The following OBI1 variants were observed in gnomAD, a reference collection of about 807,000 sequenced individuals.
The protein encoded by OBI1 is ring finger protein 219.
A neutral mutation model predicts 62.4 loss-of-function variants in OBI1; 59 were observed. The observed-to-expected ratio is 0.95, with a 90% confidence interval of 0.77 to 1.17. The LOEUF (loss-of-function observed/expected upper bound fraction) is 1.17, where lower values mean the gene tolerates loss of function less well. OBI1 is among the 50% of genes most tolerant of loss of function. The probability of loss-of-function intolerance (pLI) is 0.00; values close to 1 mark genes in which losing one functional copy is unlikely to be tolerated. For missense variants in OBI1, 875 were observed against 830.9 expected, an observed-to-expected ratio of 1.05 and a Z score of -0.65; for synonymous variants, 302 against 292.8, an observed-to-expected ratio of 1.03 and a Z score of -0.32.
intron 1 of OBI1, among the ~76,000 whole-genome samples, chr13:78,645,993 G>A (rs554899653): frequency 1.2e-4 from 19 of 152,200 alleles, no homozygotes; most frequent in East Asian, 9.7e-4. Flanking sequence ...ATCTTTCACC[G>A]CCCCAACCCT....
intron 1 of OBI1, among the ~76,000 whole-genome samples, chr13:78,658,245 T>G (rs1876767482): frequency 6.7e-6 from 1 of 148,634 alleles, no homozygotes; most frequent in Non-Finnish European, 1.5e-5. Flanking sequence ...ATCTTTCCCC[T>G]TCTTTATCTA....
At chr13:78,639,979 A>T (rs1157228016) in intron 3 of OBI1, among the ~76,000 whole-genome samples, 17 of 151,944 alleles carry the variant, frequency 1.1e-4, no homozygotes, top group Admixed American at 1.1e-3. Context: ...GTACCCTAAA[A>T]CTTAAAGTAT....
At position 78,644,998 on chromosome 13, in the gene OBI1, C is replaced by T; in HGVS notation, c.73-1G>A. On this transcript the variant is annotated splice_acceptor_variant, in intron 1 of 5. Coordinates refer to ENST00000282003, the MANE Select transcript of OBI1 (RefSeq NM_024546.4). LOFTEE classifies it high-confidence loss of function. ...TGATGCATATGACAGGCTGACGTAC[C>T]TTTGAAAAAAGAAATCACTTTTAGT... 6.2e-7 allele frequency: 1 copy of T among 1,605,184 alleles called. No homozygotes were observed. The highest frequency in any genetic ancestry group is 8.5e-7 in the Non-Finnish European group (1 of 1,177,308).
chr13:78,635,910 G>A (rs1876015367), intron 4 of OBI1, among the ~76,000 whole-genome samples: 1 of 152,082 alleles, frequency 6.6e-6, no homozygotes, highest in Non-Finnish European at 1.5e-5. Flanking sequence ...CTACAGGCAT[G>A]TGCCACCATG....
At chr13:78,635,045 T>G in intron 5 of OBI1, 65 bp downstream of exon 5, 1 of 944,210 alleles carries the variant, frequency 1.1e-6, no homozygotes, top group South Asian at 1.6e-5. Flanking sequence ...AAACAAACCC[T>G]CACAGCAGCC....
At chr13:78,620,553 A>C in intron 5 of OBI1, 1 of 453,940 alleles carries the variant, frequency 2.2e-6, no homozygotes, top group Non-Finnish European at 4.4e-6. Flanking sequence ...ATTCTGCCAG[A>C]ATCTAACAGA....
At chr13:78,629,774 A>G (rs756158784) in intron 5 of OBI1, among the ~76,000 whole-genome samples, 3 of 152,162 alleles carry the variant, frequency 2.0e-5, no homozygotes, top group Non-Finnish European at 4.4e-5. Flanking sequence ...TCCCCACTAA[A>G]TATTCAGACT....
At chr13:78,633,090 A>G (rs1875902515) in intron 5 of OBI1, among the ~76,000 whole-genome samples, 1 of 152,192 alleles carries the variant, frequency 6.6e-6, no homozygotes, top group South Asian at 2.1e-4. Flanking sequence ...AGCTACAAAC[A>G]AAATAGCTTT....
intron 1 of OBI1, among the ~76,000 whole-genome samples, chr13:78,652,689 G>A (rs1354659396): frequency 2.0e-5 from 3 of 152,120 alleles, no homozygotes; most frequent in Non-Finnish European, 4.4e-5. Context: ...CTCTCCTAAG[G>A]AGCACACAAT....
At chr13:78,647,124 C>T (rs1304114853) in intron 1 of OBI1, among the ~76,000 whole-genome samples, 9 of 152,336 alleles carry the variant, frequency 5.9e-5, no homozygotes, top group African/African-American at 1.9e-4. Context: ...ACAGGAAAGC[C>T]GGGTATTGTC....
chr13:78,643,913 T>C (rs757956974), intron 2 of OBI1, among the ~76,000 whole-genome samples: 1 of 152,234 alleles, frequency 6.6e-6, no homozygotes, highest in Non-Finnish European at 1.5e-5. Flanking sequence ...ATTTTTCCTA[T>C]AGCAAAAACA....
intron 4 of OBI1, among the ~76,000 whole-genome samples, chr13:78,635,997 A>G (rs915235728): frequency 6.6e-5 from 10 of 152,270 alleles, no homozygotes; most frequent in South Asian, 6.2e-4. Flanking sequence ...TTTTGGCCTC[A>G]AGTGATCCAC....
chr13:78,617,079 G>C lies in OBI1; in HGVS notation c.682C>G (p.Gln228Glu). 1 of 1,596,244 alleles carries C rather than the reference G, an allele frequency of 6.3e-7. No individual in the cohort carries two copies. The highest frequency in any genetic ancestry group is 8.5e-7 in the Non-Finnish European group (1 of 1,172,772). ...AVAALQSKVEQYERETNRLKK... is the reference protein window; with the variant it reads ...AVAALQSKVEEYERETNRLKK... ...AGGCGATTGGTTTCACGCTCATACT[G>C]TTCTACTTTGGACTGAAGAGCAGCA... Residue 228 changes from glutamine (Q) to glutamate (E), a missense_variant, in exon 6 of 6, where the codon CAG becomes GAG. By Grantham distance (29) the Gln-to-Glu change is conservative. Transcript: ENST00000282003.
chr13:78,646,473 C>G (rs942760953), intron 1 of OBI1, among the ~76,000 whole-genome samples: 1 of 151,938 alleles, frequency 6.6e-6, no homozygotes, highest in Admixed American at 6.6e-5. Context: ...AAAATACAAA[C>G]AAAAACAGCA....
chr13:78,622,613 T>G (rs180814781), intron 5 of OBI1, among the ~76,000 whole-genome samples: 2 of 152,234 alleles, frequency 1.3e-5, no homozygotes, highest in Admixed American at 1.3e-4. Context: ...GGAGCTAAGG[T>G]TTCAGAGAGA....
chr13:78,651,834 C>A (rs530745332), intron 1 of OBI1, among the ~76,000 whole-genome samples: 3 of 152,220 alleles, frequency 2.0e-5, no homozygotes, highest in African/African-American at 7.2e-5. Context: ...GGGTGAGTGT[C>A]CTTCTCATCT....
chr13:78,637,223 ATTATG>A (rs894975310), intron 4 of OBI1, among the ~76,000 whole-genome samples: 5 of 152,120 alleles, frequency 3.3e-5, no homozygotes, highest in African/African-American at 9.7e-5. Context: ...CCTGTATTTG[ATTATG>A]TTGAGTATGT....
In OBI1 at chr13:78,616,943, G is replaced by A. The variant is rs771114933; in HGVS notation, c.818C>T (p.Thr273Ile). The change falls in exon 6 of 6, where the codon ACA (threonine) becomes ATA (isoleucine). Residue 273 changes from threonine to isoleucine, a missense_variant. Coordinates refer to ENST00000282003, the MANE Select transcript of OBI1 (RefSeq NM_024546.4). ...EKEAMNSICQ[T>I]ALSADGKGSK... ...CCCTTTGCCATCTGCAGAAAGTGCT[G>A]TCTGGCAAATGGAATTCATAGCTTC... 6.8e-6 allele frequency: 11 copies of A among 1,614,000 alleles called. No individual in the cohort carries two copies. The highest frequency in any genetic ancestry group is 2.7e-5 in the African/African-American group (2 of 74,934).
intron 1 of OBI1, among the ~76,000 whole-genome samples, chr13:78,652,851 C>G (rs894169906): frequency 6.6e-6 from 1 of 152,134 alleles, no homozygotes; most frequent in South Asian, 2.1e-4. Context: ...CCTGATAGGC[C>G]ACTGACTGAA....
Sources: allele counts gnomAD v4.1 joint callset (sites outside exome capture counted in the v4.1 genomes callset), GRCh38; gene constraint gnomAD v4.1.1; transcripts MANE v1.5; gene names NCBI Gene and HGNC (gene_info 2026-07-23, HGNC 2026-07-21).